NRXN3: variants seen among roughly 807,000 people sequenced by gnomAD.
NRXN3 encodes neurexin 3, also known as neurexin III.
NRXN3 carries 32 observed loss-of-function variants against 137.6 expected under a neutral mutation model. The ratio of observed to expected loss-of-function variants is 0.23; its 90% CI spans 0.18 to 0.31. The LOEUF (loss-of-function observed/expected upper bound fraction) is 0.31. NRXN3 is among the 10% of genes least tolerant of loss of function. NRXN3 has a pLI of 1.00. For missense variants in NRXN3, 1,574 were observed against 2,062.5 expected, an observed-to-expected ratio of 0.76 and a Z score of 4.59; for synonymous variants, 798 against 784.5, an observed-to-expected ratio of 1.02 and a Z score of -0.29.
At chr14:79,525,837 C>T (rs541103410) in intron 16 of NRXN3, among the ~76,000 whole-genome samples, 1 of 152,312 alleles carries the variant, frequency 6.6e-6, no homozygotes, top group East Asian at 1.9e-4. Flanking sequence ...ATATGATTCT[C>T]ATTTGGGGCA....
intron 15 of NRXN3, among the ~76,000 whole-genome samples, chr14:79,465,716 A>G (rs2096412612): frequency 1.3e-5 from 2 of 152,220 alleles, no homozygotes; most frequent in African/African-American, 2.4e-5. Flanking sequence ...TAGTAAATGT[A>G]AAAGGTATCT....
intron 15 of NRXN3, among the ~76,000 whole-genome samples, chr14:79,045,244 T>C (rs373872020): frequency 9.2e-5 from 14 of 152,110 alleles, no homozygotes; most frequent in Admixed American, 2.0e-4. Flanking sequence ...TCCTTCTTCA[T>C]CTCCTACTGC....
At chr14:78,401,102 G>T (rs916140571) in intron 4 of NRXN3, among the ~76,000 whole-genome samples, 1 of 152,104 alleles carries the variant, frequency 6.6e-6, no homozygotes, top group African/African-American at 2.4e-5. Flanking sequence ...AGGTGGAAAA[G>T]CAAAAAGGTC....
intron 4 of NRXN3, among the ~76,000 whole-genome samples, chr14:78,587,767 G>A (rs1014798356): frequency 1.3e-4 from 20 of 152,020 alleles, no homozygotes; most frequent in Non-Finnish European, 2.6e-4. Context: ...AAGACTCAGG[G>A]CATCATCATG....
intron 15 of NRXN3, chr14:79,074,658 C>T (rs1595672368): frequency 6.6e-6 from 1 of 152,208 alleles, no homozygotes; most frequent in South Asian, 2.1e-4. Flanking sequence ...AGGCTGGACG[C>T]CAAGGACAGT....
At chr14:78,518,781 A>G (rs1019776179) in intron 4 of NRXN3, among the ~76,000 whole-genome samples, 2 of 152,158 alleles carry the variant, frequency 1.3e-5, no homozygotes, top group African/African-American at 2.4e-5. Flanking sequence ...ATCCTGAGGC[A>G]GGTGGGGGTA....
intron 1 of NRXN3, among the ~76,000 whole-genome samples, chr14:78,238,976 T>C (rs1459315751): frequency 2.6e-5 from 4 of 152,220 alleles, no homozygotes; most frequent in African/African-American, 4.8e-5. Flanking sequence ...TCACTAAGCA[T>C]GTGCTGCTTT....
intron 15 of NRXN3, among the ~76,000 whole-genome samples, chr14:79,192,275 T>C (rs541465229): frequency 2.0e-5 from 3 of 152,302 alleles, no homozygotes; most frequent in Non-Finnish European, 4.4e-5. Context: ...ATAGTAGGAA[T>C]AATAATAGTG....
chr14:78,301,761 G>A (rs535190002), intron 4 of NRXN3, among the ~76,000 whole-genome samples: 11 of 151,868 alleles, frequency 7.2e-5, no homozygotes, highest in Middle Eastern at 3.4e-3. Flanking sequence ...ACGTCTGTGA[G>A]ATGGCTATCG....
chr14:79,536,859 T>C (rs1458387322), intron 16 of NRXN3, among the ~76,000 whole-genome samples: 1 of 152,170 alleles, frequency 6.6e-6, no homozygotes, highest in Non-Finnish European at 1.5e-5. Context: ...CAGTCTATCA[T>C]TGATGGGCAT....
intron 16 of NRXN3, chr14:79,611,548 T>G: frequency 6.6e-6 from 1 of 152,408 alleles, no homozygotes; most frequent in Non-Finnish European, 1.5e-5. Flanking sequence ...TGCAGTGAGC[T>G]GAGATCATGC....
Position 78,540,985 on chromosome 14 carries a change from C to G in NRXN3, c.758-104135C>G, listed in dbSNP as rs562410083. Reference sequence around the variant, plus strand: ...GCTTGTAATGTTTCTGCTGAGAGATCTGCTGTTACTCTCATGGGCTTCCCT... The same window carrying G: ...GCTTGTAATGTTTCTGCTGAGAGATGTGCTGTTACTCTCATGGGCTTCCCT... On this transcript the variant is annotated intron_variant, in intron 4 of 20. Transcript: ENST00000335750. Among the ~76,000 whole-genome samples, 209 of 152,332 alleles carry G rather than the reference C, an allele frequency of 1.4e-3. 1 individual carries two copies. Among genetic ancestry groups the G allele is most frequent in the African/African-American group, 4.9e-3 (205 of 41,568 alleles).
intron 11 of NRXN3, among the ~76,000 whole-genome samples, chr14:78,959,980 G>C (rs934651607): frequency 6.6e-6 from 1 of 152,120 alleles, no homozygotes; most frequent in African/African-American, 2.4e-5. Context: ...GAACTACAGA[G>C]CTGAGGGTAC....
chr14:79,037,270 C>G (rs1251113207), intron 15 of NRXN3, among the ~76,000 whole-genome samples: 1 of 152,028 alleles, frequency 6.6e-6, no homozygotes, highest in East Asian at 1.9e-4. Flanking sequence ...AAAAAGTGCG[C>G]GCATGTGCAC....
At chr14:79,645,775 A>T (rs2074503234) in intron 16 of NRXN3, among the ~76,000 whole-genome samples, 1 of 135,682 alleles carries the variant, frequency 7.4e-6, no homozygotes, top group South Asian at 2.3e-4. Flanking sequence ...AATACTGGGA[A>T]AAAATGTTGG....
chr14:78,939,466 C>A (rs181274905), intron 10 of NRXN3, among the ~76,000 whole-genome samples: 3 of 152,072 alleles, frequency 2.0e-5, no homozygotes, highest in African/African-American at 7.2e-5. Flanking sequence ...ATTAGTCTTC[C>A]CTGCTGATGA....
At chr14:78,529,402 T>C (rs2096428497) in intron 4 of NRXN3, among the ~76,000 whole-genome samples, 1 of 152,118 alleles carries the variant, frequency 6.6e-6, no homozygotes, top group Non-Finnish European at 1.5e-5. Context: ...GAGAGAGAGA[T>C]CATAGTAGAA....
chr14:78,254,716 T>C (rs1235814030), intron 2 of NRXN3, among the ~76,000 whole-genome samples: 1 of 151,126 alleles, frequency 6.6e-6, no homozygotes, highest in Non-Finnish European at 1.5e-5. Flanking sequence ...TGGAATACAT[T>C]GGAGAAGATG....
At chr14:78,292,486 G>A (rs2075902515) in intron 3 of NRXN3, among the ~76,000 whole-genome samples, 1 of 152,200 alleles carries the variant, frequency 6.6e-6, no homozygotes, top group Non-Finnish European at 1.5e-5. Context: ...GGACTAGAAA[G>A]AGGGAGGTGG....
Sources: allele counts gnomAD v4.1 joint callset (sites outside exome capture counted in the v4.1 genomes callset), GRCh38; gene constraint gnomAD v4.1.1; transcripts MANE v1.5; gene names NCBI Gene and HGNC (gene_info 2026-07-23, HGNC 2026-07-21).